The following RANBP2 variants were observed in gnomAD, a reference collection of about 807,000 sequenced individuals.
RANBP2 encodes E3 SUMO-protein ligase RanBP2.
RANBP2 carries 57 observed loss-of-function variants against 303.6 expected under a neutral mutation model. That is an observed-to-expected ratio of 0.19 (90% CI 0.15 to 0.23). The LOEUF is 0.23. Ranked by LOEUF, RANBP2 falls within the 10% of genes least tolerant of loss-of-function variation. The pLI is 1.00. For synonymous variants in RANBP2, 1,167 were observed against 1,301.5 expected (o/e 0.90, Z 2.23); for missense variants, 3,138 against 3,780.8 (o/e 0.83, Z 4.46).
chr2:109,574,576 C>T, the RANBP2 span: 2 of 1,496,686 alleles, frequency 1.3e-6, no homozygotes, highest in East Asian at 2.4e-5. Flanking sequence ...CTTTCCTCAA[C>T]CCACCTTGCT....
At chr2:109,617,566 T>A in the RANBP2 span, 1 of 167,174 alleles carries the variant, frequency 6.0e-6, no homozygotes, top group Non-Finnish European at 1.5e-5. Context: ...GCGTAGTTGC[T>A]GAAACCTAAG....
At chr2:109,685,901 G>A in the RANBP2 span, among the ~76,000 whole-genome samples, 1 of 152,130 alleles carries the variant, frequency 6.6e-6, no homozygotes, top group Admixed American at 6.5e-5. Flanking sequence ...AAAAGGAGGA[G>A]AGAGAGTTTT....
At chr2:109,466,072 CTTT>C in the RANBP2 span, among the ~76,000 whole-genome samples, 1 of 82,330 alleles carries the variant, frequency 1.2e-5, no homozygotes. Flanking sequence ...ACCTGTACAT[CTTT>C]TTTTTTTTTT....
chr2:109,564,967 T>C, the RANBP2 span, among the ~76,000 whole-genome samples: 9,470 of 152,242 alleles, frequency 0.062, 374 homozygotes, highest in Non-Finnish European at 0.091. Flanking sequence ...ATACTATCCT[T>C]CCCTGCTATA....
At chr2:109,604,850 C>T in the RANBP2 span, 3 of 152,160 alleles carry the variant, frequency 2.0e-5, no homozygotes, top group Non-Finnish European at 4.4e-5. Context: ...AATGCAAGGA[C>T]AGCAGAAAAG....
At chr2:109,248,017 G>C in the RANBP2 span, among the ~76,000 whole-genome samples, 1 of 152,178 alleles carries the variant, frequency 6.6e-6, no homozygotes, top group Non-Finnish European at 1.5e-5. Flanking sequence ...TCACAGGGCT[G>C]CCAAATCTAG....
intron 6 of RANBP2, among the ~76,000 whole-genome samples, chr2:108,739,679 T>C (rs1473343563): frequency 6.6e-6 from 1 of 152,116 alleles, no homozygotes; most frequent in Non-Finnish European, 1.5e-5. Context: ...GAAGAACTAA[T>C]TTAGAATATA....
chr2:108,740,458 G>A, intron 6 of RANBP2, 31 bp from the exon 7 acceptor site: 3 of 1,597,346 alleles, frequency 1.9e-6, no homozygotes, highest in Non-Finnish European at 8.5e-7. Context: ...CAGTAAGTGT[G>A]TATTATCTGT....
chr2:109,428,736 T>C, the RANBP2 span, among the ~76,000 whole-genome samples: 1 of 152,220 alleles, frequency 6.6e-6, no homozygotes, highest in East Asian at 1.9e-4. Context: ...GCAGAGGTGA[T>C]GTCTGAGCAT....
chr2:109,546,827 C>T, the RANBP2 span, among the ~76,000 whole-genome samples: 2 of 152,038 alleles, frequency 1.3e-5, no homozygotes, highest in Non-Finnish European at 2.9e-5. Flanking sequence ...TAAAAATACT[C>T]ATCATAGTAG....
At chr2:109,228,337 G>C in the RANBP2 span, among the ~76,000 whole-genome samples, 6 of 152,308 alleles carry the variant, frequency 3.9e-5, no homozygotes, top group Middle Eastern at 6.8e-3. Flanking sequence ...ATCTCTGTTA[G>C]TCTGAAGATG....
chr2:109,120,225 G>C, the RANBP2 span, among the ~76,000 whole-genome samples: 1 of 152,232 alleles, frequency 6.6e-6, no homozygotes. Context: ...AGAGGAGGGG[G>C]AGGGCCTCCC....
At chr2:109,000,898 TGAC>T in the RANBP2 span, among the ~76,000 whole-genome samples, 1 of 152,076 alleles carries the variant, frequency 6.6e-6, no homozygotes, top group Non-Finnish European at 1.5e-5. Context: ...CTCAAGCTGA[TGAC>T]GAGACTGTTG....
At chr2:109,314,676 G>A in the RANBP2 span, among the ~76,000 whole-genome samples, 1 of 152,306 alleles carries the variant, frequency 6.6e-6, no homozygotes, top group East Asian at 1.9e-4. Flanking sequence ...ACATGCATAA[G>A]GCAAACCAGC....
chr2:109,515,593 A>T, the RANBP2 span, among the ~76,000 whole-genome samples: 3 of 151,778 alleles, frequency 2.0e-5, no homozygotes, highest in Admixed American at 2.0e-4. Flanking sequence ...AGCACCCCAA[A>T]CTCGGCCATG....
At chr2:109,678,035 G>T in the RANBP2 span, among the ~76,000 whole-genome samples, 3 of 152,200 alleles carry the variant, frequency 2.0e-5, no homozygotes, top group African/African-American at 7.2e-5. Context: ...CAGCAGGGGG[G>T]TCGCACCCCA....
chr2:108,772,739 G>T (rs2149300872), intron 22 of RANBP2, 129 bp from the exon 23 acceptor site: 1 of 1,220,142 alleles, frequency 8.2e-7, no homozygotes, highest in South Asian at 1.4e-5. Flanking sequence ...TTTCTGGGTG[G>T]TCCTTGTTTT....
At chr2:108,967,878 C>G in the RANBP2 span, among the ~76,000 whole-genome samples, 1 of 152,094 alleles carries the variant, frequency 6.6e-6, no homozygotes, top group African/African-American at 2.4e-5. Flanking sequence ...TTCACAGAAA[C>G]AAAAGATGGA....
chr2:109,699,161 C>G, the RANBP2 span, among the ~76,000 whole-genome samples: 1 of 152,198 alleles, frequency 6.6e-6, no homozygotes, highest in African/African-American at 2.4e-5. Context: ...TCTGGCGATT[C>G]TTTCTCATGC....
Sources: allele counts gnomAD v4.1 joint callset (sites outside exome capture counted in the v4.1 genomes callset), GRCh38; gene constraint gnomAD v4.1.1; transcripts MANE v1.5; gene names NCBI Gene and HGNC (gene_info 2026-07-23, HGNC 2026-07-21).